FYN: variants seen among roughly 807,000 people sequenced by gnomAD.
FYN encodes tyrosine-protein kinase Fyn.
Under a neutral mutation model 70.2 loss-of-function variants are expected in FYN, and 10 were observed. That is an observed-to-expected ratio of 0.14 (90% confidence interval 0.09 to 0.24). FYN has a LOEUF of 0.24. Among genes scored for constraint, FYN ranks in the 10% least tolerant of loss-of-function variants. The probability of loss-of-function intolerance (pLI) is 1.00; values close to 1 mark genes in which losing one functional copy is unlikely to be tolerated. For synonymous variants in FYN, 236 were observed against 248.6 expected, an observed-to-expected ratio of 0.95 and a Z score of 0.48; for missense variants, 319 against 673.1, an observed-to-expected ratio of 0.47 and a Z score of 5.82.
At chr6:111,757,298 A>G (rs1263935069) in intron 3 of FYN, among the ~76,000 whole-genome samples, 2 of 152,242 alleles carry the variant, frequency 1.3e-5, no homozygotes, top group East Asian at 3.8e-4. Flanking sequence ...AGATAAGCAC[A>G]GGATAATAAA....
At chr6:111,762,182 C>T (rs1462870188) in intron 3 of FYN, among the ~76,000 whole-genome samples, 1 of 152,180 alleles carries the variant, frequency 6.6e-6, no homozygotes, top group Non-Finnish European at 1.5e-5. Context: ...CGAGCAGCAG[C>T]GGTGAGGAAG....
chr6:111,816,888 C>T (rs561934297), intron 2 of FYN, among the ~76,000 whole-genome samples: 1 of 152,276 alleles, frequency 6.6e-6, no homozygotes, highest in South Asian at 2.1e-4. Flanking sequence ...CAGCAATAAC[C>T]TAAATATCCA....
intron 12 of FYN, among the ~76,000 whole-genome samples, chr6:111,681,829 G>C (rs1798793720): frequency 6.6e-6 from 1 of 152,132 alleles, no homozygotes; most frequent in South Asian, 2.1e-4. Flanking sequence ...TTGTTCTACA[G>C]ATGAGAAAAC....
intron 2 of FYN, among the ~76,000 whole-genome samples, chr6:111,842,688 T>C (rs911240381): frequency 6.6e-6 from 1 of 152,216 alleles, no homozygotes; most frequent in Non-Finnish European, 1.5e-5. Flanking sequence ...CTTAACCAGC[T>C]GCATAGAAAT....
intron 12 of FYN, among the ~76,000 whole-genome samples, chr6:111,693,502 G>A (rs1330869261): frequency 6.6e-6 from 1 of 152,160 alleles, no homozygotes; most frequent in Non-Finnish European, 1.5e-5. Context: ...TGGGAAGAAG[G>A]AAAATATTCC....
chr6:111,752,433 G>C (rs923534327), intron 3 of FYN, among the ~76,000 whole-genome samples: 2 of 152,244 alleles, frequency 1.3e-5, no homozygotes, highest in Non-Finnish European at 1.5e-5. Flanking sequence ...CAGGAGCTTA[G>C]TGGAAAAAGA....
chr6:111,819,350 G>A (rs918926184), intron 2 of FYN, among the ~76,000 whole-genome samples: 6 of 152,080 alleles, frequency 3.9e-5, no homozygotes, highest in East Asian at 1.9e-4. Context: ...GTATCAGTAC[G>A]GGCAGAATCA....
In FYN at chr6:111,847,140, G is replaced by A. The variant is rs113726698; in HGVS notation, c.-122-511C>T. Among the ~76,000 whole-genome samples the A allele has an allele frequency of 4.9e-3, 750 of 152,316 alleles. 2 individuals carry two copies. The highest frequency in any genetic ancestry group is 7.5e-3 in the Non-Finnish European group (507 of 68,018). ...AAAAGCATTTTGGGGATGGCCCCTG[G>A]TTCCCAGCAGCTGGGGTTCCCCTCT... On this transcript the variant is annotated intron_variant, in intron 1 of 13. Transcript: ENST00000354650.
intron 4 of FYN, among the ~76,000 whole-genome samples, chr6:111,716,991 G>A (rs1800677859): frequency 6.6e-6 from 1 of 151,900 alleles, no homozygotes; most frequent in African/African-American, 2.4e-5. Flanking sequence ...TCACCATGTT[G>A]GGCAGGCTGG....
chr6:111,835,738 T>C (rs1429116164), intron 2 of FYN, among the ~76,000 whole-genome samples: 1 of 152,166 alleles, frequency 6.6e-6, no homozygotes, highest in Admixed American at 6.5e-5. Context: ...GAAAGGAATG[T>C]GAGCTGGTAC....
intron 1 of FYN, among the ~76,000 whole-genome samples, chr6:111,863,776 A>C (rs1286291925): frequency 1.3e-5 from 2 of 152,214 alleles, no homozygotes; most frequent in Admixed American, 1.3e-4. Flanking sequence ...AAACCTTTAA[A>C]TTACAAGTTA....
chr6:111,810,983 T>A (rs902132922), intron 2 of FYN, among the ~76,000 whole-genome samples: 1 of 152,224 alleles, frequency 6.6e-6, no homozygotes, highest in African/African-American at 2.4e-5. Context: ...GTATAATACA[T>A]TGGCAAGCAA....
chr6:111,665,300 T>A (rs1293932659), intron 13 of FYN, among the ~76,000 whole-genome samples: 1 of 151,752 alleles, frequency 6.6e-6, no homozygotes, highest in Non-Finnish European at 1.5e-5. Flanking sequence ...GTATTTAAAA[T>A]ACAGTATTCT....
chr6:111,834,371 T>A (rs1307096027), intron 2 of FYN, among the ~76,000 whole-genome samples: 3 of 152,048 alleles, frequency 2.0e-5, no homozygotes, highest in Non-Finnish European at 1.5e-5. Context: ...TTAAAAAAAA[T>A]TCTTATGTTA....
At chr6:111,709,430 A>G (rs1195618015) in intron 5 of FYN, among the ~76,000 whole-genome samples, 1 of 152,176 alleles carries the variant, frequency 6.6e-6, no homozygotes, top group Non-Finnish European at 1.5e-5. Context: ...AGAGCAACAG[A>G]ACAAAGGTGA....
At position 111,704,038 on chromosome 6, in the gene FYN, T is replaced by C. The variant is rs770859434; in HGVS notation, c.508A>G (p.Arg170Gly). 2 of 1,614,236 alleles carry C rather than the reference T, an allele frequency of 1.2e-6. No individual in the cohort carries two copies. Among genetic ancestry groups the C allele is most frequent in the Non-Finnish European group, 1.7e-6 (2 of 1,180,012 alleles). The stretch of plus-strand genomic sequence containing the variant: ...CTCTCGCGGATAAGAAAGGTACCTC[T>C]TGGGTTTCCAAAGGACAATAGCTGT... ...ERQLLSFGNP[R>G]GTFLIRESET... The change falls in exon 7 of 14, where the codon AGA (arginine) becomes GGA (glycine). Residue 170 changes from arginine (R) to glycine (G), a missense_variant. Transcript: ENST00000354650.
chr6:111,864,264 T>A (rs1052808016), intron 1 of FYN, among the ~76,000 whole-genome samples: 2 of 152,124 alleles, frequency 1.3e-5, no homozygotes, highest in Admixed American at 1.3e-4. Flanking sequence ...ATGGCGCAAA[T>A]TTAGTGTGAA....
At chr6:111,703,897 T>G (rs934606855) in intron 7 of FYN, 102 bp downstream of exon 7, 5 of 876,420 alleles carry the variant, frequency 5.7e-6, no homozygotes, top group Non-Finnish European at 9.3e-6. Context: ...GGAGGGTATG[T>G]GCCATTTTAA....
intron 5 of FYN, among the ~76,000 whole-genome samples, chr6:111,713,512 G>C (rs1800483385): frequency 6.6e-6 from 1 of 152,002 alleles, no homozygotes; most frequent in South Asian, 2.1e-4. Flanking sequence ...AGGGACGCTG[G>C]AGATGCCTGG....
Sources: allele counts gnomAD v4.1 joint callset (sites outside exome capture counted in the v4.1 genomes callset), GRCh38; gene constraint gnomAD v4.1.1; transcripts MANE v1.5; gene names NCBI Gene and HGNC (gene_info 2026-07-23, HGNC 2026-07-21).